LRP1B: variants seen among roughly 807,000 people sequenced by gnomAD.
The protein encoded by LRP1B is low-density lipoprotein receptor-related protein 1B.
Under a neutral mutation model 556.6 loss-of-function variants are expected in LRP1B, and 217 were observed. The ratio of observed to expected loss-of-function variants is 0.39; its 90% CI spans 0.35 to 0.44. The LOEUF is 0.44. Among genes scored for constraint, LRP1B ranks in the 20% least tolerant of loss-of-function variants. LRP1B has a pLI of 1.00. For synonymous variants in LRP1B, 2,047 were observed against 1,865.8 expected, an observed-to-expected ratio of 1.10 and a Z score of -2.50; for missense variants, 5,053 against 5,620.8, an observed-to-expected ratio of 0.90 and a Z score of 3.23.
chr2:141,002,700 G>T (rs111662613), intron 15 of LRP1B, among the ~76,000 whole-genome samples: 4 of 152,108 alleles, frequency 2.6e-5, no homozygotes, highest in African/African-American at 9.6e-5. Context: ...TCTTCTTGAA[G>T]AAGTTATTTC....
intron 1 of LRP1B, among the ~76,000 whole-genome samples, chr2:141,958,436 T>A (rs1701321352): frequency 2.0e-5 from 3 of 152,018 alleles, no homozygotes; most frequent in African/African-American, 7.2e-5. Flanking sequence ...CCAAAACCCA[T>A]TCTTGTTTGC....
chr2:141,220,242 G>C (rs1450067097), intron 6 of LRP1B, among the ~76,000 whole-genome samples: 1 of 152,168 alleles, frequency 6.6e-6, no homozygotes, highest in African/African-American at 2.4e-5. Flanking sequence ...ATGACCTGAA[G>C]GAGCTGAAAA....
chr2:141,144,440 T>C (rs368005128), intron 7 of LRP1B, among the ~76,000 whole-genome samples: 5 of 152,344 alleles, frequency 3.3e-5, no homozygotes, highest in African/African-American at 1.2e-4. Flanking sequence ...AGATGAGCAC[T>C]TTCTATCCTT....
intron 5 of LRP1B, among the ~76,000 whole-genome samples, chr2:141,231,684 G>T (rs886884434): frequency 7.1e-6 from 1 of 140,868 alleles, no homozygotes; most frequent in South Asian, 2.2e-4. Flanking sequence ...TATTGCTATC[G>T]TGTGCACCTG....
chr2:140,681,346 C>A (rs1685853018), intron 41 of LRP1B, among the ~76,000 whole-genome samples: 3 of 151,896 alleles, frequency 2.0e-5, no homozygotes. Context: ...TCATTCACAG[C>A]TAAAGTCAAA....
At chr2:140,543,349 C>T (rs557953444) in intron 43 of LRP1B, among the ~76,000 whole-genome samples, 58 of 145,392 alleles carry the variant, frequency 4.0e-4, no homozygotes, top group Admixed American at 2.9e-3. Flanking sequence ...AACAATAGAG[C>T]GAAATCAGTA....
chr2:140,559,178 C>T (rs1166666291), intron 43 of LRP1B, among the ~76,000 whole-genome samples: 1 of 151,918 alleles, frequency 6.6e-6, no homozygotes, highest in Non-Finnish European at 1.5e-5. Context: ...CAAATCTAGA[C>T]TTCAAAATTC....
At chr2:140,446,515 G>T (rs1392399812) in intron 63 of LRP1B, among the ~76,000 whole-genome samples, 1 of 152,002 alleles carries the variant, frequency 6.6e-6, no homozygotes, top group Admixed American at 6.6e-5. Context: ...TTGTCTGCAG[G>T]TATTGATGAT....
chr2:141,863,065 CATTT>C (rs1173507960), intron 1 of LRP1B, among the ~76,000 whole-genome samples: 8 of 152,108 alleles, frequency 5.3e-5, no homozygotes, highest in Middle Eastern at 3.2e-3. Context: ...CTTTGTGTTT[CATTT>C]ATTTGCTTCA....
intron 59 of LRP1B, among the ~76,000 whole-genome samples, chr2:140,481,577 C>CA (rs1558912042): frequency 3.1e-4 from 35 of 113,576 alleles, no homozygotes; most frequent in African/African-American, 8.2e-4. Flanking sequence ...TGGTAGCCAT[C>CA]TTTATTATTA....
intron 41 of LRP1B, chr2:140,683,724 TC>T: frequency 2.6e-6 from 2 of 781,486 alleles, no homozygotes; most frequent in Non-Finnish European, 2.2e-6. Context: ...CACTCTGTGC[TC>T]CCCGGGCTAG....
At chr2:140,932,916 CATATATATGTGT>C (rs1695095436) in intron 20 of LRP1B, among the ~76,000 whole-genome samples, 1 of 147,512 alleles carries the variant, frequency 6.8e-6, no homozygotes, top group Non-Finnish European at 1.5e-5. Flanking sequence ...CACACACACA[CATATATATGTGT>C]ATATATATAC....
At chr2:140,698,003 A>G (rs1464860324) in intron 41 of LRP1B, among the ~76,000 whole-genome samples, 1 of 152,044 alleles carries the variant, frequency 6.6e-6, no homozygotes, top group Non-Finnish European at 1.5e-5. Flanking sequence ...ACCAAAAAAG[A>G]TTGAGTGTAC....
intron 1 of LRP1B, among the ~76,000 whole-genome samples, chr2:141,938,056 C>T (rs1432202769): frequency 1.3e-5 from 2 of 151,742 alleles, no homozygotes; most frequent in Non-Finnish European, 1.5e-5. Flanking sequence ...GCCTATGTGT[C>T]TTTTTTTATG....
Position 140,750,362 on chromosome 2 carries a change from G to T in LRP1B, c.5758+18851C>A, listed in dbSNP as rs376336547. 5.3e-5 allele frequency among the ~76,000 whole-genome samples: 8 copies of T among 152,168 alleles called. No individual in the cohort carries two copies. The South Asian group carries it at 1.7e-3, about 32-fold the overall frequency. Reference sequence around the variant, plus strand: ...TCTGACTATAAACAAATGTATAAAAGTTAACCAGTCCATTTGTCCATTCTT... The same window carrying T: ...TCTGACTATAAACAAATGTATAAAATTTAACCAGTCCATTTGTCCATTCTT... On this transcript the variant is annotated intron_variant, in intron 35 of 90. Transcript: ENST00000389484.
intron 2 of LRP1B, among the ~76,000 whole-genome samples, chr2:141,661,855 G>T (rs1421124581): frequency 6.6e-6 from 1 of 152,074 alleles, no homozygotes; most frequent in Non-Finnish European, 1.5e-5. Context: ...TCCATGAGAA[G>T]AGCAACTCCA....
rs146654631 is a variant in LRP1B, at chr2:140,504,691, C to T, written c.8522-1588G>A. On this transcript the variant is annotated intron_variant, in intron 53 of 90. Transcript: ENST00000389484. ...GTATCCCAACATTCATTAACAGCAG[C>T]ACCAATCACCAAGTCATCCAAGCTA... Among the ~76,000 whole-genome samples, 302 of 152,266 alleles carry T rather than the reference C, an allele frequency of 2.0e-3. 2 individuals are homozygous for T. The highest frequency in any genetic ancestry group is 4.1e-3 in the Admixed American group (62 of 15,290).
At chr2:140,532,851 T>C (rs1369262226) in intron 47 of LRP1B, among the ~76,000 whole-genome samples, 2 of 150,038 alleles carry the variant, frequency 1.3e-5, no homozygotes, top group African/African-American at 4.9e-5. Context: ...GTATAGCCTA[T>C]GAAACCTTTG....
chr2:140,475,638 T>C (rs553467978), intron 59 of LRP1B, among the ~76,000 whole-genome samples: 3 of 151,608 alleles, frequency 2.0e-5, no homozygotes, highest in Non-Finnish European at 3.0e-5. Context: ...AACTAATATA[T>C]GTAAACTTTC....
Sources: gnomAD v4.1 joint callset for allele counts (sites outside exome capture counted in the v4.1 genomes callset) on GRCh38, gnomAD v4.1.1 for gene constraint, MANE v1.5 for transcripts, NCBI Gene and HGNC (gene_info 2026-07-23, HGNC 2026-07-21) for gene names.